The following QSOX1 variants were observed in gnomAD, a reference collection of about 807,000 sequenced individuals.
QSOX1 encodes the protein sulfhydryl oxidase 1.
In QSOX1, 40 loss-of-function variants were observed where a neutral mutation model predicts 76.1. That is an observed-to-expected ratio of 0.53 (90% CI 0.41 to 0.68). The LOEUF (loss-of-function observed/expected upper bound fraction) is 0.68, where lower values mean the gene tolerates loss of function less well. Among genes scored for constraint, QSOX1 ranks in the 30% least tolerant of loss-of-function variants. The pLI, the probability that QSOX1 is intolerant of heterozygous loss-of-function variation, is 0.00. For synonymous variants in QSOX1, 392 were observed against 413.1 expected (o/e 0.95, Z 0.62); for missense variants, 931 against 974.3 (o/e 0.96, Z 0.59).
At chr1:180,175,219 G>T in intron 2 of QSOX1, 102 bp from the exon 3 acceptor site, 1 of 1,043,542 alleles carries the variant, frequency 9.6e-7, no homozygotes, top group South Asian at 1.3e-5. Flanking sequence ...GATTTGCCCA[G>T]CCACCGCATT....
intron 2 of QSOX1, among the ~76,000 whole-genome samples, chr1:180,173,940 A>G (rs1329979636): frequency 1.3e-5 from 2 of 152,234 alleles, no homozygotes; most frequent in East Asian, 3.9e-4. Flanking sequence ...GCGTTGCCCA[A>G]GGTCACACAG....
At chr1:180,175,469 G>T in intron 3 of QSOX1, 103 bp downstream of exon 3, 1 of 1,300,038 alleles carries the variant, frequency 7.7e-7, no homozygotes, top group Non-Finnish European at 1.1e-6. Flanking sequence ...AGTCGGCAGG[G>T]TCGAGGGTGA....
chr1:180,196,957 A>T lies in QSOX1; in HGVS notation c.2164A>T (p.Met722Leu), dbSNP rs201396414. The part of the protein sequence containing the change: ...LCVGLYSLSF[M>L]GLLAMYTYFQ... The stretch of plus-strand genomic sequence containing the variant: ...TGTGGGGCTCTATTCCCTGTCCTTC[A>T]TGGGCCTGCTGGCCATGTACACCTA... Residue 722 changes from methionine (M) to leucine (L), a missense_variant, in exon 12 of 12, where the codon ATG becomes TTG. Met to Leu is a conservative substitution (Grantham distance 15). Coordinates refer to ENST00000367602, the MANE Select transcript of QSOX1 (RefSeq NM_002826.5). This position sits in a 1 kb window ranked among gnomAD's most constrained non-coding sequence, Gnocchi z 4.1. The T allele has an allele frequency of 7.9e-5, 128 of 1,610,582 alleles. 1 individual carries two copies. The Admixed American group carries it at 1.9e-3, about 23-fold the overall frequency.
In QSOX1 at chr1:180,200,697, A is replaced by C. The variant is rs1663618353; in HGVS notation, c.*3660A>C. On this transcript the variant is annotated 3_prime_UTR_variant, in exon 12 of 12. Transcript: ENST00000367602. ...ATCCTATCCCCTTTACTCCCACCAA[A>C]ATAAATACATTTGCCCTATTCTCCC... 6.6e-6 allele frequency: 1 copy of C among 152,198 alleles called. No individual in the cohort carries two copies. The highest frequency in any genetic ancestry group is 2.4e-5 in the African/African-American group (1 of 41,444). The allele number at this position is 152,198 out of a possible 1,614,324, so 9.4% of individuals were successfully genotyped here. A position where few individuals can be genotyped will look rare whatever the true frequency, so the allele number is the denominator to read the frequency against.
intron 9 of QSOX1, among the ~76,000 whole-genome samples, chr1:180,189,889 C>G (rs929929944): frequency 6.6e-6 from 1 of 152,190 alleles, no homozygotes; most frequent in Admixed American, 6.5e-5. Context: ...GGTAGATATT[C>G]TCCCCATTTA....
chr1:180,186,253 G>A, intron 8 of QSOX1, 71 bp downstream of exon 8: 3 of 1,542,726 alleles, frequency 1.9e-6, no homozygotes, highest in South Asian at 2.5e-5. Context: ...TGTAAGGCTG[G>A]GCACCCCGTC....
intron 1 of QSOX1, among the ~76,000 whole-genome samples, chr1:180,165,002 AG>A (rs1662580596): frequency 6.6e-6 from 1 of 152,158 alleles, no homozygotes. Context: ...CTCGTTATCA[AG>A]GGGGCAGTGC....
chr1:180,172,531 A>C (rs1250863258), intron 2 of QSOX1, among the ~76,000 whole-genome samples: 1 of 151,688 alleles, frequency 6.6e-6, no homozygotes, highest in Non-Finnish European at 1.5e-5. Flanking sequence ...AAATTTTTTT[A>C]TTTTTTGAGA....
At position 180,196,621 on chromosome 1, in the gene QSOX1, C is replaced by T. The variant is rs759009358; in HGVS notation, c.1828C>T (p.His610Tyr). ...GPEASRPPKL[H>Y]PGLRAAPGQE... ...TGAGGCAAGTCGACCCCCGAAGCTGCACCCTGGCCTCAGAGCTGCACCAGG... is the reference window on the plus strand; with the variant it reads ...TGAGGCAAGTCGACCCCCGAAGCTGTACCCTGGCCTCAGAGCTGCACCAGG... The change falls in exon 12 of 12, where the codon CAC becomes TAC. Residue 610 changes from histidine to tyrosine, a missense_variant. Coordinates refer to ENST00000367602, the MANE Select transcript of QSOX1 (RefSeq NM_002826.5). The surrounding 1 kb of genome is among the most constrained non-coding windows in gnomAD (Gnocchi z 4.1). 13 of 1,614,208 alleles carry T rather than the reference C, an allele frequency of 8.1e-6. No individual in the cohort carries two copies. Among genetic ancestry groups the T allele is most frequent in the Non-Finnish European group, 9.3e-6 (11 of 1,180,048 alleles).
intron 9 of QSOX1, among the ~76,000 whole-genome samples, chr1:180,189,993 A>AC (rs1284173716): frequency 6.6e-6 from 1 of 152,014 alleles, no homozygotes; most frequent in Non-Finnish European, 1.5e-5. Context: ...ACTTGGTGAG[A>AC]CCCCAGAGTT....
chr1:180,183,122 C>T (rs1157800751), intron 6 of QSOX1, among the ~76,000 whole-genome samples: 1 of 152,132 alleles, frequency 6.6e-6, no homozygotes, highest in Non-Finnish European at 1.5e-5. Context: ...TGTCTCCTCT[C>T]TCCGAGTTGG....
intron 2 of QSOX1, 42 bp from the exon 3 acceptor site, chr1:180,175,279 C>T (rs373323616): frequency 1.4e-5 from 23 of 1,604,814 alleles, no homozygotes; most frequent in Non-Finnish European, 1.9e-5. Context: ...GCACTCTTGG[C>T]CACTATCTAT....
chr1:180,194,239 ATCCGAGGCTACG>A lies in QSOX1; in HGVS notation c.1317_1328del (p.Ile439_Val443delinsMet). 1 of 1,613,072 alleles carries A rather than the reference ATCCGAGGCTACG, an allele frequency of 6.2e-7. No individual in the cohort carries two copies. Among genetic ancestry groups the A allele is most frequent in the Non-Finnish European group, 8.5e-7 (1 of 1,179,516 alleles). On this transcript the variant is annotated inframe_deletion, in exon 11 of 12. Coordinates refer to ENST00000367602, the MANE Select transcript of QSOX1 (RefSeq NM_002826.5). ...CAAGGCCAAGGAGGTCCTCCCAGCC[ATCCGAGGCTACG>A]TGCACTACTTCTTCGGCTGCCGAGA...
chr1:180,169,412 C>G (rs1016368224), intron 2 of QSOX1, among the ~76,000 whole-genome samples: 1 of 152,196 alleles, frequency 6.6e-6, no homozygotes, highest in African/African-American at 2.4e-5. Flanking sequence ...CTGAGGAGAT[C>G]AGTGATGTGG....
rs772298509 is a variant in QSOX1, at chr1:180,196,487, C to T, written c.1694C>T (p.Ala565Val). The T allele has an allele frequency of 1.5e-5, 25 of 1,613,802 alleles. No homozygotes were observed. Among genetic ancestry groups the T allele is most frequent in the Middle Eastern group, 3.3e-4 (2 of 6,080 alleles). The change falls in exon 12 of 12, where the codon GCG becomes GTG. Residue 565 changes from alanine to valine, a missense_variant. Physicochemically the swap from Ala to Val is moderately conservative, Grantham distance 64 (BLOSUM62 0). Transcript: ENST00000367602. The surrounding 1 kb of genome is among the most constrained non-coding windows in gnomAD (Gnocchi z 4.1). ...VQNVAAAPEL[A>V]MGALELESRN... ...AATGTGGCAGCCGCCCCAGAGCTGG[C>T]GATGGGAGCCCTGGAGCTGGAAAGC...
At chr1:180,160,548 G>T (rs1349667443) in intron 1 of QSOX1, among the ~76,000 whole-genome samples, 1 of 152,008 alleles carries the variant, frequency 6.6e-6, no homozygotes, top group South Asian at 2.1e-4. Flanking sequence ...TGGGTTTAGC[G>T]TGACAAATCC....
At chr1:180,184,628 C>T (rs1663125489) in intron 7 of QSOX1, among the ~76,000 whole-genome samples, 1 of 152,188 alleles carries the variant, frequency 6.6e-6, no homozygotes, top group South Asian at 2.1e-4. Flanking sequence ...CTCTCTGAGG[C>T]TCGTTGCCTT....
chr1:180,186,653 T>C (rs142475205), intron 8 of QSOX1, among the ~76,000 whole-genome samples: 27 of 152,358 alleles, frequency 1.8e-4, no homozygotes, highest in African/African-American at 6.3e-4. Context: ...CTTATTCCTT[T>C]ATAGTTTCCC....
chr1:180,168,945 A>G (rs984870029), intron 2 of QSOX1, among the ~76,000 whole-genome samples: 4 of 152,248 alleles, frequency 2.6e-5, no homozygotes, highest in African/African-American at 9.6e-5. Flanking sequence ...CATGCGAAGC[A>G]GGGGGAGGAG....
Sources: allele counts gnomAD v4.1 joint callset (sites outside exome capture counted in the v4.1 genomes callset), GRCh38; gene constraint gnomAD v4.1.1; non-coding constraint Gnocchi (gnomAD v3.1); transcripts MANE v1.5; gene names NCBI Gene and HGNC (gene_info 2026-07-23, HGNC 2026-07-21).